The following PCDH15 variants were observed in gnomAD, a reference collection of about 807,000 sequenced individuals.
PCDH15 encodes the protein protocadherin related 15.
A neutral mutation model predicts 178.5 loss-of-function variants in PCDH15; 129 were observed. That is an observed-to-expected ratio of 0.72 (90% CI 0.63 to 0.84). The LOEUF is 0.84. PCDH15 is among the 40% of genes least tolerant of loss of function. The pLI is 0.00. For synonymous variants in PCDH15, 800 were observed against 732.0 expected (o/e 1.09, Z -1.50); for missense variants, 2,230 against 2,099.9 (o/e 1.06, Z -1.21).
At chr10:55,403,032 T>C (rs1348657578) in intron 2 of PCDH15, among the ~76,000 whole-genome samples, 1 of 152,074 alleles carries the variant, frequency 6.6e-6, no homozygotes, top group East Asian at 1.9e-4. Context: ...TAGGAGATGA[T>C]ATCTCATTGT....
chr10:55,144,905 T>C (rs2589457), intron 2 of PCDH15, among the ~76,000 whole-genome samples: 3,030 of 152,158 alleles, frequency 0.02, 42 homozygotes, highest in Non-Finnish European at 0.032. Context: ...ACATATTTTT[T>C]TCCAAGGAAT....
chr10:55,342,120 T>G (rs991889257), intron 2 of PCDH15, among the ~76,000 whole-genome samples: 5 of 151,566 alleles, frequency 3.3e-5, no homozygotes, highest in African/African-American at 1.2e-4. Context: ...AAATAAAATT[T>G]TATTTTCCCT....
rs763771232 is a variant in PCDH15, at chr10:53,808,883, C to T, written c.4671+1673G>A. 9 of 1,599,472 alleles carry T rather than the reference C, an allele frequency of 5.6e-6. No homozygotes were observed. The South Asian group carries it at 6.8e-5, about 12-fold the overall frequency. ...CCTCCTTCCACCGAAGCTGATTCTG[C>T]ACTGCCCTCTTCAGGGATATCTTGA... On this transcript the variant is annotated intron_variant, in intron 37 of 37. Coordinates refer to ENST00000644397, the MANE Select transcript of PCDH15 (RefSeq NM_001384140.1).
At chr10:53,855,872 C>T (rs12242186) in intron 28 of PCDH15, among the ~76,000 whole-genome samples, 35,618 of 132,466 alleles carry the variant, frequency 0.27, 5,965 homozygotes, top group East Asian at 0.84. Flanking sequence ...ACATGTATCC[C>T]GGAACTTAAA....
At chr10:54,442,523 A>G (rs1355828678) in intron 3 of PCDH15, among the ~76,000 whole-genome samples, 1 of 142,280 alleles carries the variant, frequency 7.0e-6, no homozygotes, top group African/African-American at 2.6e-5. Context: ...CTGCACATAT[A>G]CAACTCCACT....
At chr10:55,141,500 C>T (rs1175272354) in intron 2 of PCDH15, among the ~76,000 whole-genome samples, 3 of 152,030 alleles carry the variant, frequency 2.0e-5, no homozygotes, top group Non-Finnish European at 2.9e-5. Flanking sequence ...TTGCTGAAGC[C>T]ATCTTTGGCC....
chr10:54,410,270 T>G (rs1168933017), intron 3 of PCDH15, among the ~76,000 whole-genome samples: 1 of 152,092 alleles, frequency 6.6e-6, no homozygotes, highest in Non-Finnish European at 1.5e-5. Flanking sequence ...CACACAAGCC[T>G]AAGGGGAAAA....
intron 33 of PCDH15, 189 bp from the exon 34 acceptor site, chr10:53,818,202 T>C (rs887822995): frequency 5.3e-6 from 2 of 377,798 alleles, no homozygotes; most frequent in South Asian, 1.5e-4. Context: ...GTTTCACACC[T>C]GAATTACTAA....
intron 18 of PCDH15, among the ~76,000 whole-genome samples, chr10:54,032,414 T>C (rs1475721987): frequency 6.6e-6 from 1 of 152,014 alleles, no homozygotes; most frequent in Non-Finnish European, 1.5e-5. Context: ...TATCATACAA[T>C]GCCTGCTTTA....
At chr10:53,945,837 G>GTGTATA (rs1249342204) in intron 23 of PCDH15, among the ~76,000 whole-genome samples, 1 of 119,444 alleles carries the variant, frequency 8.4e-6, no homozygotes, top group African/African-American at 3.2e-5. Context: ...ATATTTCATT[G>GTGTATA]TATATATATA....
At chr10:54,758,150 T>C (rs1591483890) in intron 1 of PCDH15, among the ~76,000 whole-genome samples, 1 of 152,222 alleles carries the variant, frequency 6.6e-6, no homozygotes, top group East Asian at 1.9e-4. Flanking sequence ...TTAACTTTAA[T>C]AGTTCCTCAA....
At chr10:54,392,437 G>T (rs1950652147) in intron 3 of PCDH15, among the ~76,000 whole-genome samples, 1 of 115,018 alleles carries the variant, frequency 8.7e-6, no homozygotes. Context: ...CTGCACTCCA[G>T]CCTGGCTTGG....
At chr10:54,886,308 A>G (rs2131811177) in intron 3 of PCDH15, among the ~76,000 whole-genome samples, 1 of 152,322 alleles carries the variant, frequency 6.6e-6, no homozygotes, top group South Asian at 2.1e-4. Flanking sequence ...TCTTAAATTG[A>G]CTTGTAAACT....
At chr10:54,723,341 C>A (rs1207791868) in intron 1 of PCDH15, among the ~76,000 whole-genome samples, 1 of 151,560 alleles carries the variant, frequency 6.6e-6, no homozygotes, top group Non-Finnish European at 1.5e-5. Flanking sequence ...AATTGGCTAG[C>A]CACGTGCAGA....
At chr10:54,752,333 C>T (rs552172426) in intron 1 of PCDH15, among the ~76,000 whole-genome samples, 17 of 151,494 alleles carry the variant, frequency 1.1e-4, no homozygotes, top group Non-Finnish European at 1.9e-4. Flanking sequence ...AAAAATTAGC[C>T]GGGCGTGGTG....
At chr10:54,586,900 A>G (rs1204265125) in intron 2 of PCDH15, among the ~76,000 whole-genome samples, 2 of 152,210 alleles carry the variant, frequency 1.3e-5, no homozygotes, top group South Asian at 2.1e-4. Flanking sequence ...CAAAAGTTTG[A>G]GAAAGTAATA....
chr10:54,912,590 A>T (rs902190275), intron 2 of PCDH15, among the ~76,000 whole-genome samples: 4 of 152,180 alleles, frequency 2.6e-5, no homozygotes, highest in Non-Finnish European at 4.4e-5. Context: ...TTCATAAATT[A>T]TCCAGTGGGG....
chr10:55,510,333 C>T (rs1223668217), intron 2 of PCDH15, among the ~76,000 whole-genome samples: 2 of 151,548 alleles, frequency 1.3e-5, no homozygotes, highest in Non-Finnish European at 2.9e-5. Context: ...TACTTTTTTC[C>T]CCCGAATTTA....
At chr10:54,635,982 A>G (rs757390543) in intron 2 of PCDH15, among the ~76,000 whole-genome samples, 1 of 151,882 alleles carries the variant, frequency 6.6e-6, no homozygotes, top group Non-Finnish European at 1.5e-5. Context: ...CCTCTCTCAA[A>G]AAAAAATTAC....
Sources: allele counts gnomAD v4.1 joint callset (sites outside exome capture counted in the v4.1 genomes callset), GRCh38; gene constraint gnomAD v4.1.1; transcripts MANE v1.5; gene names NCBI Gene and HGNC (gene_info 2026-07-23, HGNC 2026-07-21).